FOXP1: variants seen among roughly 807,000 people sequenced by gnomAD.
FOXP1 encodes forkhead box P1.
Under a neutral mutation model 98.2 loss-of-function variants are expected in FOXP1, and 15 were observed. That is an observed-to-expected ratio of 0.15 (90% confidence interval 0.10 to 0.24). The LOEUF (loss-of-function observed/expected upper bound fraction) is 0.24. Among genes scored for constraint, FOXP1 ranks in the 10% least tolerant of loss-of-function variants. FOXP1 has a pLI of 1.00. For missense variants in FOXP1, 633 were observed against 848.5 expected, an observed-to-expected ratio of 0.75 and a Z score of 3.15; for synonymous variants, 371 against 314.5, an observed-to-expected ratio of 1.18 and a Z score of -1.90.
chr3:71,582,257 A>G (rs1406548598), intron 1 of FOXP1: 16 of 985,194 alleles, frequency 1.6e-5, no homozygotes, highest in Non-Finnish European at 1.9e-5. Flanking sequence ...GAAGGAATCT[A>G]AGTTTCCGAG....
At chr3:71,141,085 G>A (rs35378836) in intron 6 of FOXP1, among the ~76,000 whole-genome samples, 35,736 of 151,730 alleles carry the variant, frequency 0.24, 4,329 homozygotes, top group East Asian at 0.32. Flanking sequence ...TGGCTAACTC[G>A]ATGAAACCCC....
At chr3:70,988,627 T>A (rs1057263702) in intron 13 of FOXP1, among the ~76,000 whole-genome samples, 4 of 152,232 alleles carry the variant, frequency 2.6e-5, no homozygotes, top group Non-Finnish European at 4.4e-5. Context: ...GCTCATTCAA[T>A]TTACTCAAGA....
intron 3 of FOXP1, among the ~76,000 whole-genome samples, chr3:71,432,767 T>C (rs1230668744): frequency 1.3e-5 from 2 of 151,838 alleles, no homozygotes; most frequent in African/African-American, 4.8e-5. Context: ...ACATTCATTT[T>C]CAGGCTTAAG....
chr3:71,319,727 G>C (rs114143035), intron 4 of FOXP1, among the ~76,000 whole-genome samples: 3 of 152,190 alleles, frequency 2.0e-5, no homozygotes, highest in African/African-American at 7.2e-5. Context: ...ATTTGGCAGA[G>C]TGCACCCTCC....
chr3:71,260,877 G>A (rs2069076438), intron 5 of FOXP1, among the ~76,000 whole-genome samples: 1 of 152,066 alleles, frequency 6.6e-6, no homozygotes, highest in Non-Finnish European at 1.5e-5. Flanking sequence ...AGGTCTCCGA[G>A]ACCAAAAGTT....
chr3:71,122,203 C>A (rs2058830418), intron 6 of FOXP1, among the ~76,000 whole-genome samples: 1 of 152,128 alleles, frequency 6.6e-6, no homozygotes, highest in African/African-American at 2.4e-5. Context: ...ACTCGGGATG[C>A]CCTAAGAGGC....
At chr3:71,423,187 C>T (rs766139667) in intron 3 of FOXP1, among the ~76,000 whole-genome samples, 21 of 152,226 alleles carry the variant, frequency 1.4e-4, no homozygotes, top group Non-Finnish European at 2.6e-4. Flanking sequence ...TATGAATCCA[C>T]ACAGCACCTA....
chr3:70,979,279 CAAAAAAAAAA>C lies in FOXP1; in HGVS notation c.1147-1260_1147-1251del, dbSNP rs544916383. 5.0e-3 allele frequency among the ~76,000 whole-genome samples: 214 copies of C among 42,460 alleles called. 1 individual carries two copies. The highest frequency in any genetic ancestry group is 0.017 in the African/African-American group (130 of 7,610). The allele number at this position is 42,460 out of a possible 152,430, so 27.9% of individuals were successfully genotyped here. A position where few individuals can be genotyped will look rare whatever the true frequency, so the allele number is the denominator to read the frequency against. The stretch of plus-strand genomic sequence containing the variant: ...TGGGTGATAGAGTGAGACTCTACCT[CAAAAAAAAAA>C]AAAAAAAAAAAAAAAAAAAAAAAAA... On this transcript the variant is annotated intron_variant, in intron 14 of 20. Coordinates refer to ENST00000649528, the MANE Select transcript of FOXP1 (RefSeq NM_001349338.3).
intron 6 of FOXP1, among the ~76,000 whole-genome samples, chr3:71,178,688 C>T (rs1293308327): frequency 1.3e-5 from 2 of 151,768 alleles, no homozygotes; most frequent in Non-Finnish European, 2.9e-5. Flanking sequence ...TCGAGACCAT[C>T]CTGGCTAACA....
At chr3:71,578,849 C>G (rs973750669) in intron 2 of FOXP1, among the ~76,000 whole-genome samples, 1 of 152,146 alleles carries the variant, frequency 6.6e-6, no homozygotes, top group Non-Finnish European at 1.5e-5. Context: ...TGCCTAGGCT[C>G]AATATTAACT....
Position 70,972,668 on chromosome 3 carries a change from C to G in FOXP1, c.1539G>C (p.Val513=). ...RRNAATWKNA[V]RHNLSLHKCF... ...ACTTGTGAAGACTAAGATTATGACG[C>G]ACTGCATTCTGCAGCAAGTATAAAA... The change falls in exon 18 of 21, where the codon GTG becomes GTC. Residue 513 remains valine, a synonymous_variant. Transcript: ENST00000649528. 6.2e-7 allele frequency: 1 copy of G among 1,614,094 alleles called. No individual in the cohort carries two copies. Among genetic ancestry groups the G allele is most frequent in the Non-Finnish European group, 8.5e-7 (1 of 1,179,944 alleles).
intron 3 of FOXP1, among the ~76,000 whole-genome samples, chr3:71,386,955 C>G (rs2108091534): frequency 6.6e-6 from 1 of 152,192 alleles, no homozygotes; most frequent in South Asian, 2.1e-4. Context: ...ACCTTTCCAA[C>G]CTACTAATAT....
At position 71,565,690 on chromosome 3, in the gene FOXP1, T is replaced by A. The variant is rs541302529; in HGVS notation, c.-298+15859A>T. ...CTATGCATAAAGATGGCCCATTTGA[T>A]CCTGGGCGGCCATCTATTTAGTAAA... On this transcript the variant is annotated intron_variant, in intron 2 of 20. Transcript: ENST00000649528. 3.9e-5 allele frequency among the ~76,000 whole-genome samples: 6 copies of A among 152,346 alleles called. No individual in the cohort carries two copies. In the South Asian group the frequency reaches 1.0e-3, roughly 26 times the overall value.
intron 7 of FOXP1, among the ~76,000 whole-genome samples, chr3:71,078,903 G>A (rs11709093): frequency 0.21 from 31,816 of 151,944 alleles, 4,387 homozygotes; most frequent in East Asian, 0.54. Context: ...CTTCTCTTTC[G>A]TTACCTGGAT....
intron 3 of FOXP1, among the ~76,000 whole-genome samples, chr3:71,470,663 C>T (rs116430851): frequency 1.2e-4 from 19 of 152,158 alleles, no homozygotes; most frequent in African/African-American, 3.9e-4. Flanking sequence ...TGCTTGAACC[C>T]GGAGGCAGAG....
chr3:71,260,182 A>G (rs1484667290), intron 5 of FOXP1, among the ~76,000 whole-genome samples: 1 of 152,038 alleles, frequency 6.6e-6, no homozygotes, highest in African/African-American at 2.4e-5. Flanking sequence ...GCGGGGTTTC[A>G]CCGTGTTAGC....
intron 12 of FOXP1, among the ~76,000 whole-genome samples, chr3:71,007,185 G>T (rs1011427013): frequency 5.9e-5 from 9 of 152,066 alleles, no homozygotes; most frequent in African/African-American, 2.2e-4. Context: ...AAGTAGAAAA[G>T]TCAAATTCAT....
chr3:71,095,238 T>A (rs1224111341), intron 7 of FOXP1, among the ~76,000 whole-genome samples: 1 of 152,174 alleles, frequency 6.6e-6, no homozygotes, highest in African/African-American at 2.4e-5. Flanking sequence ...ATCCAATTGG[T>A]AAATTGTGTT....
Position 71,367,524 on chromosome 3 carries a change from A to C in FOXP1, c.-167-8280T>G, listed in dbSNP as rs186924399. On this transcript the variant is annotated intron_variant, in intron 3 of 20. Transcript: ENST00000649528. ...TCACTGAGTCTTCATACTGGGCTGG[A>C]AGGACGGCAGGGAGGGATATCGAAG... 2.3e-3 allele frequency among the ~76,000 whole-genome samples: 352 copies of C among 152,224 alleles called. 2 individuals carry two copies. The highest frequency in any genetic ancestry group is 8.4e-3 in the African/African-American group (347 of 41,544).
Sources: gnomAD v4.1 joint callset for allele counts (sites outside exome capture counted in the v4.1 genomes callset) on GRCh38, gnomAD v4.1.1 for gene constraint, MANE v1.5 for transcripts, NCBI Gene and HGNC (gene_info 2026-07-23, HGNC 2026-07-21) for gene names.